Variants in MCTP1 observed in about 807,000 individuals in gnomAD.
MCTP1 encodes the protein multiple C2 and transmembrane domain-containing protein 1.
MCTP1 carries 69 observed loss-of-function variants against 120.6 expected under a neutral mutation model. That is an observed-to-expected ratio of 0.57 (90% CI 0.47 to 0.70). The LOEUF (loss-of-function observed/expected upper bound fraction) is 0.70. MCTP1 is among the 30% of genes least tolerant of loss of function. The probability of loss-of-function intolerance (pLI) is 0.00; values close to 1 mark genes in which losing one functional copy is unlikely to be tolerated. For synonymous variants in MCTP1, 529 were observed against 493.1 expected (o/e 1.07, Z -0.96); for missense variants, 1,203 against 1,248.8 (o/e 0.96, Z 0.55).
intron 1 of MCTP1, chr5:95,081,998 T>C: frequency 5.0e-6 from 1 of 199,358 alleles, no homozygotes; most frequent in Middle Eastern, 2.5e-3. Context: ...GAAAGACATC[T>C]AAAAAAAAAA....
chr5:94,722,975 A>T (rs1580319476), intron 19 of MCTP1, among the ~76,000 whole-genome samples: 1 of 152,212 alleles, frequency 6.6e-6, no homozygotes, highest in South Asian at 2.1e-4. Context: ...ACCTAAGGAA[A>T]ATACATTAGA....
At chr5:95,053,974 C>T (rs372707336) in intron 1 of MCTP1, among the ~76,000 whole-genome samples, 1 of 152,220 alleles carries the variant, frequency 6.6e-6, no homozygotes, top group South Asian at 2.1e-4. Flanking sequence ...ATAAGATTAA[C>T]CTTGGGCTTT....
chr5:95,127,937 G>A (rs2152419304), intron 1 of MCTP1, among the ~76,000 whole-genome samples: 1 of 152,288 alleles, frequency 6.6e-6, no homozygotes. Context: ...GGAGAGCTGG[G>A]CAGCGACCAG....
intron 1 of MCTP1, chr5:95,081,360 A>T: frequency 7.0e-7 from 1 of 1,421,316 alleles, no homozygotes; most frequent in Non-Finnish European, 9.8e-7. Context: ...GAACAATCAT[A>T]TACCTAAACT....
At chr5:94,860,519 T>C (rs1388472132) in intron 17 of MCTP1, among the ~76,000 whole-genome samples, 1 of 151,790 alleles carries the variant, frequency 6.6e-6, no homozygotes, top group Non-Finnish European at 1.5e-5. Flanking sequence ...AATTGGACTA[T>C]AATATAGTTA....
At chr5:94,806,101 G>A (rs936400380) in intron 17 of MCTP1, among the ~76,000 whole-genome samples, 6 of 151,756 alleles carry the variant, frequency 4.0e-5, no homozygotes, top group Admixed American at 1.3e-4. Flanking sequence ...GGTTTGTGGA[G>A]CCAATTTTAT....
chr5:95,157,526 C>G (rs933175634), intron 1 of MCTP1, among the ~76,000 whole-genome samples: 9 of 152,144 alleles, frequency 5.9e-5, no homozygotes, highest in South Asian at 2.1e-4. Context: ...AAAACTTTAG[C>G]AACTTGTCCA....
At chr5:94,858,079 T>G (rs1045774775) in intron 17 of MCTP1, among the ~76,000 whole-genome samples, 1 of 151,708 alleles carries the variant, frequency 6.6e-6, no homozygotes, top group African/African-American at 2.4e-5. Flanking sequence ...CACGGACAGG[T>G]TCATCTTAGC....
At position 95,202,734 on chromosome 5, in the gene MCTP1, TTTTC is replaced by T. The variant is rs371581557; in HGVS notation, c.720+81118_720+81121del. ...GAATCAATCTTTCTCTTTTTTCTTT[TTTTC>T]TTTTTTTGAGATGGAGTCTTGCTCT... On this transcript the variant is annotated intron_variant, in intron 1 of 22. Transcript: ENST00000515393. Among the ~76,000 whole-genome samples the T allele has an allele frequency of 2.0e-3, 309 of 152,242 alleles. 1 individual carries two copies. The highest frequency in any genetic ancestry group is 6.6e-3 in the African/African-American group (276 of 41,552).
intron 1 of MCTP1, among the ~76,000 whole-genome samples, chr5:95,023,374 A>T (rs1362904359): frequency 6.6e-6 from 1 of 152,238 alleles, no homozygotes; most frequent in Non-Finnish European, 1.5e-5. Flanking sequence ...GCTTGATCTG[A>T]CCAGTGGTAA....
rs370907840 is a variant in MCTP1, at chr5:94,718,182, G to A, written c.2611-3296C>T. Among the ~76,000 whole-genome samples, 9 of 152,206 alleles carry A rather than the reference G, an allele frequency of 5.9e-5. No homozygotes were observed. In the South Asian group the frequency reaches 1.9e-3, roughly 32 times the overall value. ...AAAACACACATACACCAACGGAATA[G>A]AAAAGAGATCTCAGAAATAAGACCG... is the stretch of plus-strand genomic sequence containing the variant. On this transcript the variant is annotated intron_variant, in intron 19 of 22. Transcript: ENST00000515393.
intron 1 of MCTP1, among the ~76,000 whole-genome samples, chr5:95,255,158 T>G (rs1757752847): frequency 6.6e-6 from 1 of 152,160 alleles, no homozygotes; most frequent in African/African-American, 2.4e-5. Context: ...AGTTTATGGG[T>G]TAGAAGCTCT....
chr5:94,734,448 A>G (rs1288312590), intron 19 of MCTP1, among the ~76,000 whole-genome samples: 1 of 152,198 alleles, frequency 6.6e-6, no homozygotes, highest in Non-Finnish European at 1.5e-5. Context: ...GTTACTGTTA[A>G]TCATGTGGTT....
Position 94,895,008 on chromosome 5 carries a change from G to A in MCTP1, c.1653-173C>T, listed in dbSNP as rs368304204. On this transcript the variant is annotated intron_variant, in intron 10 of 22. Transcript: ENST00000515393. The stretch of plus-strand genomic sequence containing the variant: ...TCACAAAATTCAGACCCTCATTATC[G>A]TAGGGTCTGTAACTGTTTATTTCCT... 2.0e-4 allele frequency among the ~76,000 whole-genome samples: 30 copies of A among 151,954 alleles called. 2 individuals are homozygous for A. Among genetic ancestry groups the A allele is most frequent in the South Asian group, 1.2e-3 (6 of 4,812 alleles).
intron 1 of MCTP1, among the ~76,000 whole-genome samples, chr5:95,257,326 G>T (rs886123224): frequency 1.3e-5 from 2 of 151,986 alleles, no homozygotes; most frequent in African/African-American, 4.8e-5. Flanking sequence ...AACAAGATCT[G>T]TCTCATTTTA....
rs140199827 is a variant in MCTP1 at position 95,088,610 on chromosome 5, G to C, written c.721-71126C>G. ...CCCAGCTAACAAGTAGCGGAGTTGGGATTAGAACCTGCATCCTCAAACACT... is the reference window on the plus strand; with the variant it reads ...CCCAGCTAACAAGTAGCGGAGTTGGCATTAGAACCTGCATCCTCAAACACT... On this transcript the variant is annotated intron_variant, in intron 1 of 22. Coordinates refer to ENST00000515393, the MANE Select transcript of MCTP1 (RefSeq NM_024717.7). Among the ~76,000 whole-genome samples, 635 of 152,272 alleles carry C rather than the reference G, an allele frequency of 4.2e-3. 6 individuals carry two copies. Among genetic ancestry groups the C allele is most frequent in the African/African-American group, 0.015 (621 of 41,536 alleles).
At chr5:95,240,820 T>A (rs996844342) in intron 1 of MCTP1, among the ~76,000 whole-genome samples, 19 of 152,264 alleles carry the variant, frequency 1.2e-4, no homozygotes, top group Admixed American at 5.2e-4. Flanking sequence ...ATCTTCCTTT[T>A]ATTATCCACA....
At chr5:94,917,695 A>G (rs760369948) in intron 8 of MCTP1, among the ~76,000 whole-genome samples, 5 of 152,216 alleles carry the variant, frequency 3.3e-5, no homozygotes, top group Admixed American at 6.5e-5. Flanking sequence ...CTTTAGTAAG[A>G]TTTTAGAACA....
At chr5:94,875,213 C>T (rs1798584631) in intron 12 of MCTP1, among the ~76,000 whole-genome samples, 1 of 152,044 alleles carries the variant, frequency 6.6e-6, no homozygotes, top group South Asian at 2.1e-4. Context: ...AAAAGGGCTG[C>T]AGAGAAAGTC....
Sources: gnomAD v4.1 joint callset for allele counts (sites outside exome capture counted in the v4.1 genomes callset) on GRCh38, gnomAD v4.1.1 for gene constraint, MANE v1.5 for transcripts, NCBI Gene and HGNC (gene_info 2026-07-23, HGNC 2026-07-21) for gene names.